PRKACB: variants seen among roughly 807,000 people sequenced by gnomAD.
PRKACB encodes the protein cAMP-dependent protein kinase catalytic subunit beta.
PRKACB carries 16 observed loss-of-function variants against 51.4 expected under a neutral mutation model. The ratio of observed to expected loss-of-function variants is 0.31; its 90% CI spans 0.21 to 0.47. The LOEUF (loss-of-function observed/expected upper bound fraction) is 0.47. Among genes scored for constraint, PRKACB ranks in the 20% least tolerant of loss-of-function variants. PRKACB has a pLI of 1.00. For synonymous variants in PRKACB, 147 were observed against 154.4 expected, an observed-to-expected ratio of 0.95 and a Z score of 0.35; for missense variants, 309 against 464.5, an observed-to-expected ratio of 0.67 and a Z score of 3.08.
chr1:84,125,041 G>C (rs966175371), intron 1 of PRKACB, among the ~76,000 whole-genome samples: 4 of 115,944 alleles, frequency 3.4e-5, no homozygotes, highest in African/African-American at 1.1e-4. Context: ...TAACTAAATA[G>C]TGGCTTAAAT....
chr1:84,226,752 C>T (rs1262700111), intron 9 of PRKACB, among the ~76,000 whole-genome samples: 1 of 152,026 alleles, frequency 6.6e-6, no homozygotes, highest in Non-Finnish European at 1.5e-5. Flanking sequence ...TATTTTAATG[C>T]AGTAGGGCCC....
intron 1 of PRKACB, among the ~76,000 whole-genome samples, chr1:84,134,523 G>A (rs1300012893): frequency 1.3e-5 from 2 of 152,168 alleles, no homozygotes; most frequent in Non-Finnish European, 2.9e-5. Context: ...TTATTTGAAG[G>A]TGGACTTAGA....
intron 1 of PRKACB, among the ~76,000 whole-genome samples, chr1:84,107,692 C>CT (rs1649890486): frequency 6.6e-6 from 1 of 151,992 alleles, no homozygotes; most frequent in Admixed American, 6.6e-5. Context: ...TGAGCAGACA[C>CT]TTTTCAAAAG....
chr1:84,232,741 C>CT (rs942680750), intron 9 of PRKACB, among the ~76,000 whole-genome samples: 5 of 151,894 alleles, frequency 3.3e-5, no homozygotes, highest in African/African-American at 9.7e-5. Context: ...CAACCCCTGC[C>CT]TTTTTTTGTT....
chr1:84,158,974 A>G (rs1042371436), intron 1 of PRKACB, among the ~76,000 whole-genome samples: 4 of 152,128 alleles, frequency 2.6e-5, no homozygotes, highest in Admixed American at 2.6e-4. Context: ...TGAATTCTCA[A>G]TTCTGTCCCA....
intron 8 of PRKACB, among the ~76,000 whole-genome samples, chr1:84,208,381 T>C (rs904120090): frequency 6.6e-6 from 1 of 152,268 alleles, no homozygotes; most frequent in African/African-American, 2.4e-5. Context: ...TATTACATAA[T>C]GTAATTTGAC....
chr1:84,179,109 A>G (rs1162642385), intron 1 of PRKACB, 68 bp from the exon 2 acceptor site: 2 of 1,454,448 alleles, frequency 1.4e-6, no homozygotes, highest in Admixed American at 2.0e-5. Context: ...CATATGCAAT[A>G]TAAATATTCT....
intron 8 of PRKACB, among the ~76,000 whole-genome samples, chr1:84,207,961 G>T (rs1354124827): frequency 6.6e-6 from 1 of 152,082 alleles, no homozygotes; most frequent in Non-Finnish European, 1.5e-5. Context: ...TCTGCCTCCT[G>T]GGTTCAAGTG....
At chr1:84,178,944 G>T in intron 1 of PRKACB, 1 of 302,652 alleles carries the variant, frequency 3.3e-6, no homozygotes. Context: ...TATGACATTT[G>T]AAATTATCAA....
At chr1:84,096,797 A>G (rs1017622102) in intron 1 of PRKACB, among the ~76,000 whole-genome samples, 9 of 152,062 alleles carry the variant, frequency 5.9e-5, no homozygotes, top group Admixed American at 3.3e-4. Flanking sequence ...TTTTAAGCTT[A>G]TAGATTGAAG....
intron 1 of PRKACB, among the ~76,000 whole-genome samples, chr1:84,169,158 A>T (rs1409880628): frequency 2.6e-5 from 4 of 151,676 alleles, no homozygotes; most frequent in Admixed American, 6.6e-5. Context: ...CCTATAAAAG[A>T]GGTTATACAC....
At chr1:84,229,871 A>G (rs1231901306) in intron 9 of PRKACB, among the ~76,000 whole-genome samples, 1 of 151,966 alleles carries the variant, frequency 6.6e-6, no homozygotes, top group Non-Finnish European at 1.5e-5. Context: ...ATTTTCTCCC[A>G]TTTTGTAGGT....
chr1:84,143,003 C>G (rs944587404), upstream of PRKACB, among the ~76,000 whole-genome samples: 5 of 151,842 alleles, frequency 3.3e-5, no homozygotes, highest in African/African-American at 1.2e-4. Flanking sequence ...CCTTCCCTTC[C>G]CTCCCCTCCC....
chr1:84,101,399 G>A (rs1336031327), intron 1 of PRKACB, among the ~76,000 whole-genome samples: 3 of 152,184 alleles, frequency 2.0e-5, no homozygotes, highest in Non-Finnish European at 4.4e-5. Flanking sequence ...ACCTAGATCA[G>A]TGTTGAATAA....
intron 9 of PRKACB, among the ~76,000 whole-genome samples, chr1:84,220,869 CTG>C (rs1213271813): frequency 6.6e-6 from 1 of 151,908 alleles, no homozygotes; most frequent in African/African-American, 2.4e-5. Context: ...ATTTTTGTGT[CTG>C]TATTTCTCAG....
At chr1:84,209,342 A>G (rs1273851128) in intron 8 of PRKACB, among the ~76,000 whole-genome samples, 3 of 151,736 alleles carry the variant, frequency 2.0e-5, no homozygotes, top group Non-Finnish European at 4.4e-5. Context: ...CCTGTCTAAA[A>G]CTGACAAGTT....
chr1:84,184,691 A>T (rs913728256), intron 4 of PRKACB, among the ~76,000 whole-genome samples: 3 of 151,928 alleles, frequency 2.0e-5, no homozygotes, highest in Non-Finnish European at 4.4e-5. Flanking sequence ...TTTATTCTTT[A>T]AATTAAATGA....
intron 1 of PRKACB, among the ~76,000 whole-genome samples, chr1:84,090,337 T>TTCTGTTATAATAGAGGAGTTG (rs1553158276): frequency 1.3e-5 from 2 of 152,214 alleles, no homozygotes; most frequent in Non-Finnish European, 2.9e-5. Context: ...GACCATCTTA[T>TTCTGTTATAATAGAGGAGTTG]TCTGTTATAA....
At chr1:84,090,709 A>G (rs1178039907) in intron 1 of PRKACB, among the ~76,000 whole-genome samples, 1 of 152,168 alleles carries the variant, frequency 6.6e-6, no homozygotes, top group African/African-American at 2.4e-5. Flanking sequence ...AGAGCCAGGT[A>G]TAAGCTGTAT....
Sources: allele counts gnomAD v4.1 joint callset (sites outside exome capture counted in the v4.1 genomes callset), GRCh38; gene constraint gnomAD v4.1.1; transcripts MANE v1.5; gene names NCBI Gene and HGNC (gene_info 2026-07-23, HGNC 2026-07-21).